Variants in OCA2 observed in about 807,000 individuals in gnomAD.
The protein encoded by OCA2 is OCA2 melanosomal transmembrane protein.
A neutral mutation model predicts 100.2 loss-of-function variants in OCA2; 77 were observed. The observed-to-expected ratio is 0.77, with a 90% CI of 0.64 to 0.93. The LOEUF is 0.93. OCA2 is among the 40% of genes least tolerant of loss of function. The pLI is 0.00. For missense variants in OCA2, 1,062 were observed against 1,089.1 expected, an observed-to-expected ratio of 0.98 and a Z score of 0.35; for synonymous variants, 432 against 439.2, an observed-to-expected ratio of 0.98 and a Z score of 0.21.
intron 23 of OCA2, among the ~76,000 whole-genome samples, chr15:27,774,196 A>T (rs1165179527): frequency 6.6e-6 from 1 of 152,154 alleles, no homozygotes; most frequent in African/African-American, 2.4e-5. Flanking sequence ...TGTTCACTGA[A>T]TGCTGGTGTC....
At position 27,756,720 on chromosome 15, in the gene OCA2, A is replaced by T. The variant is rs555750952; in HGVS notation, c.2433-1248T>A. Among the ~76,000 whole-genome samples the T allele has an allele frequency of 2.6e-5, 4 of 152,270 alleles. No homozygotes were observed. In the South Asian group the frequency reaches 8.3e-4, roughly 32 times the overall value. On this transcript the variant is annotated intron_variant, in intron 23 of 23. Coordinates refer to ENST00000354638, the MANE Select transcript of OCA2 (RefSeq NM_000275.3). ...CGTTCCTCTGTGACAGATTGTGTAG[A>T]GTGAGTCAGTGTCAGGTAAGATGCC...
At chr15:28,016,290 G>A (rs2042391676) in intron 7 of OCA2, 104 bp from the exon 8 acceptor site, 3 of 890,590 alleles carry the variant, frequency 3.4e-6, no homozygotes, top group Non-Finnish European at 5.6e-6. Context: ...AAGAAAAGGA[G>A]AAAGAAAGAA....
chr15:27,856,532 G>A (rs1401406891), intron 21 of OCA2, among the ~76,000 whole-genome samples: 1 of 152,102 alleles, frequency 6.6e-6, no homozygotes, highest in Non-Finnish European at 1.5e-5. Context: ...TAACGACCTT[G>A]TCCTCCAAAA....
At chr15:27,888,495 T>C (rs2037320705) in intron 19 of OCA2, among the ~76,000 whole-genome samples, 1 of 152,116 alleles carries the variant, frequency 6.6e-6, no homozygotes, top group African/African-American at 2.4e-5. Flanking sequence ...CTGGATTATC[T>C]TAAAAGGATT....
intron 23 of OCA2, among the ~76,000 whole-genome samples, chr15:27,800,865 G>A (rs2151172557): frequency 6.6e-6 from 1 of 152,056 alleles, no homozygotes; most frequent in East Asian, 1.9e-4. Flanking sequence ...TTACTCAGGA[G>A]GCTGAAGTGG....
At chr15:27,769,337 T>C (rs2031533772) in intron 23 of OCA2, among the ~76,000 whole-genome samples, 1 of 152,220 alleles carries the variant, frequency 6.6e-6, no homozygotes, top group Non-Finnish European at 1.5e-5. Flanking sequence ...AAAACCTGCC[T>C]GTGCTGACAC....
intron 23 of OCA2, among the ~76,000 whole-genome samples, chr15:27,774,579 A>G (rs1373265983): frequency 6.6e-6 from 1 of 152,226 alleles, no homozygotes; most frequent in African/African-American, 2.4e-5. Context: ...ATGTGAGACC[A>G]TTTTGGTTTC....
At chr15:27,871,335 A>AG (rs2036565521) in intron 20 of OCA2, 77 bp from the exon 21 acceptor site, 5 of 1,048,520 alleles carry the variant, frequency 4.8e-6, no homozygotes, top group Non-Finnish European at 7.4e-6. Flanking sequence ...CGAGACTCAG[A>AG]GGGGCCCGAG....
At chr15:27,954,092 A>G (rs927135231) in intron 17 of OCA2, among the ~76,000 whole-genome samples, 2 of 148,194 alleles carry the variant, frequency 1.3e-5, no homozygotes, top group African/African-American at 5.1e-5. Context: ...ATTCCTTTCT[A>G]TGGCTGAGTA....
At chr15:27,943,287 A>T (rs566286078) in intron 18 of OCA2, among the ~76,000 whole-genome samples, 24 of 152,216 alleles carry the variant, frequency 1.6e-4, no homozygotes, top group Non-Finnish European at 2.9e-4. Flanking sequence ...CATTCACATT[A>T]AAACAGGGAT....
chr15:27,916,567 A>G (rs2038671661), intron 19 of OCA2, among the ~76,000 whole-genome samples: 1 of 152,218 alleles, frequency 6.6e-6, no homozygotes, highest in Non-Finnish European at 1.5e-5. Flanking sequence ...TTATTCATTA[A>G]CTAACTTTGA....
At chr15:27,817,366 AC>A (rs752357865) in intron 23 of OCA2, among the ~76,000 whole-genome samples, 3 of 152,184 alleles carry the variant, frequency 2.0e-5, no homozygotes, top group Non-Finnish European at 4.4e-5. Flanking sequence ...AATCCGGCAG[AC>A]CCTGTTACAA....
chr15:28,032,378 C>G (rs1188297986), intron 2 of OCA2, among the ~76,000 whole-genome samples: 1 of 152,204 alleles, frequency 6.6e-6, no homozygotes, highest in Non-Finnish European at 1.5e-5. Flanking sequence ...AAATGCATGG[C>G]AGAAACTCGC....
chr15:27,771,139 CT>C (rs571714208), intron 23 of OCA2, among the ~76,000 whole-genome samples: 66 of 140,350 alleles, frequency 4.7e-4, no homozygotes, highest in African/African-American at 1.7e-3. Flanking sequence ...CCCTCCCTTC[CT>C]TCCCTCCCCT....
chr15:27,832,459 G>A (rs757497965), intron 23 of OCA2, among the ~76,000 whole-genome samples: 27 of 152,126 alleles, frequency 1.8e-4, no homozygotes, highest in African/African-American at 3.6e-4. Flanking sequence ...TCCCTCCCCC[G>A]GGTGCCTTCC....
Position 27,755,357 on chromosome 15 carries a change from C to A in OCA2, c.*31G>T. The A allele has an allele frequency of 6.5e-7, 1 of 1,532,462 alleles. No homozygotes were observed. The allele number at this position is 1,532,462 out of a possible 1,614,324, so 94.9% of individuals were successfully genotyped here. A position where few individuals can be genotyped will look rare whatever the true frequency, so the allele number is the denominator to read the frequency against. On this transcript the variant is annotated 3_prime_UTR_variant, in exon 24 of 24. Transcript: ENST00000354638. The stretch of plus-strand genomic sequence containing the variant: ...AATGGGTTGTGATGGATGAAGTTTC[C>A]TTTAGTCTTCGAGCAATAGATGGAT...
In OCA2 at chr15:28,015,857, G is replaced by A. The variant is rs111828268; in HGVS notation, c.890+247C>T. 2.4e-3 allele frequency among the ~76,000 whole-genome samples: 366 copies of A among 152,222 alleles called. 3 individuals carry two copies. The highest frequency in any genetic ancestry group is 8.5e-3 in the African/African-American group (353 of 41,538). On this transcript the variant is annotated intron_variant, in intron 8 of 23. Transcript: ENST00000354638. ...AGCTTCACATTAATGAAATTAGAAC[G>A]TCAACCAAAAAATACCATTTGTTTC...
chr15:27,761,227 G>A (rs891544563), intron 23 of OCA2, among the ~76,000 whole-genome samples: 28 of 151,792 alleles, frequency 1.8e-4, no homozygotes, highest in African/African-American at 6.8e-4. Context: ...ACTAATCAGT[G>A]AGCAGTAAGT....
chr15:28,074,849 A>C (rs1474483216), intron 2 of OCA2, among the ~76,000 whole-genome samples: 1 of 152,222 alleles, frequency 6.6e-6, no homozygotes, highest in Non-Finnish European at 1.5e-5. Flanking sequence ...CGTCTCAAAA[A>C]AGAATAGAGA....
Sources: allele counts gnomAD v4.1 joint callset (sites outside exome capture counted in the v4.1 genomes callset), GRCh38; gene constraint gnomAD v4.1.1; transcripts MANE v1.5; gene names NCBI Gene and HGNC (gene_info 2026-07-23, HGNC 2026-07-21).